The following ACACB variants were observed in gnomAD, a reference collection of about 807,000 sequenced individuals.
ACACB encodes acetyl-CoA carboxylase beta.
In ACACB, 209 loss-of-function variants were observed where a neutral mutation model predicts 278.8. The ratio of observed to expected loss-of-function variants is 0.75; its 90% CI spans 0.67 to 0.84. The LOEUF (loss-of-function observed/expected upper bound fraction) is 0.84. Among genes scored for constraint, ACACB ranks in the 40% least tolerant of loss-of-function variants. The pLI is 0.00. For missense variants in ACACB, 2,850 were observed against 3,269.0 expected (o/e 0.87, Z 3.13); for synonymous variants, 1,174 against 1,285.6 (o/e 0.91, Z 1.86).
intron 19 of ACACB, among the ~76,000 whole-genome samples, chr12:109,204,891 G>A (rs563148500): frequency 6.6e-6 from 1 of 152,188 alleles, no homozygotes; most frequent in East Asian, 1.9e-4. Flanking sequence ...CTGTCACCCA[G>A]GCTGGTGTGC....
upstream of ACACB, among the ~76,000 whole-genome samples, chr12:109,116,005 A>ACGTTG (rs2042396326): frequency 6.6e-6 from 1 of 152,140 alleles, no homozygotes; most frequent in Non-Finnish European, 1.5e-5. Flanking sequence ...AGCCCTCCCC[A>ACGTTG]CGTTGCAGAA....
intron 24 of ACACB, among the ~76,000 whole-genome samples, chr12:109,221,896 G>GGGA (rs1012453711): frequency 7.2e-6 from 1 of 139,772 alleles, no homozygotes; most frequent in African/African-American, 2.7e-5. Context: ...TTTTTTTTTG[G>GGGA]GGGGGAGACA....
In ACACB at chr12:109,120,441, G is replaced by A. The variant is rs1593346702; in HGVS notation, c.-10+3737G>A. Among the ~76,000 whole-genome samples the A allele has an allele frequency of 2.6e-5, 4 of 152,306 alleles. No individual in the cohort carries two copies. In the South Asian group the frequency reaches 8.3e-4, roughly 32 times the overall value. ...AAAACATGGAACCGTTTCATTCCAT[G>A]CCTTCCTCATCTCCTTGCAGGATCC... On this transcript the variant is annotated intron_variant, in intron 1 of 52. Coordinates refer to ENST00000338432, the MANE Select transcript of ACACB (RefSeq NM_001093.4).
At chr12:109,195,003 C>A (rs1203813921) in intron 16 of ACACB, among the ~76,000 whole-genome samples, 1 of 152,140 alleles carries the variant, frequency 6.6e-6, no homozygotes, top group Non-Finnish European at 1.5e-5. Context: ...CGGTTGCTCT[C>A]CTCTGTCAGA....
chr12:109,174,652 C>CAAGTGATCACTTGAAGCCA (rs2044226232), intron 7 of ACACB, among the ~76,000 whole-genome samples: 1 of 151,302 alleles, frequency 6.6e-6, no homozygotes, highest in African/African-American at 2.4e-5. Flanking sequence ...CACTTGAAGC[C>CAAGTGATCACTTGAAGCCA]AGGAGTTCAA....
chr12:109,159,097 CT>C (rs2043639243), intron 2 of ACACB, among the ~76,000 whole-genome samples: 1 of 152,230 alleles, frequency 6.6e-6, no homozygotes, highest in Non-Finnish European at 1.5e-5. Context: ...CCACTCACCC[CT>C]GGCCTAGCCA....
intron 21 of ACACB, among the ~76,000 whole-genome samples, chr12:109,212,384 T>C (rs1315290777): frequency 6.6e-6 from 1 of 152,150 alleles, no homozygotes; most frequent in Non-Finnish European, 1.5e-5. Context: ...TATGATTACA[T>C]TGTAATATAT....
At chr12:109,200,645 A>T (rs1229810374) in intron 18 of ACACB, among the ~76,000 whole-genome samples, 2 of 152,112 alleles carry the variant, frequency 1.3e-5, no homozygotes, top group Non-Finnish European at 2.9e-5. Context: ...TAACCTTCCC[A>T]GCAAATATAT....
At chr12:109,161,035 T>G (rs1273448547) in intron 2 of ACACB, among the ~76,000 whole-genome samples, 1 of 152,146 alleles carries the variant, frequency 6.6e-6, no homozygotes, top group Non-Finnish European at 1.5e-5. Flanking sequence ...GGGAAGGTCG[T>G]GGACAGAATG....
At position 109,265,426 on chromosome 12, in the gene ACACB, G is replaced by A; in HGVS notation, c.7151G>A (p.Trp2384Ter). The A allele has an allele frequency of 6.2e-7, 1 of 1,613,548 alleles. No homozygotes were observed. Among genetic ancestry groups the A allele is most frequent in the Non-Finnish European group, 8.5e-7 (1 of 1,179,880 alleles). ...LWDNNQVVVQ[W>*]LEQHWQAGDG... ...GACAACAACCAGGTGGTTGTGCAGT[G>A]GCTGGAACAGCACTGGCAGGCAGGG... is the stretch of plus-strand genomic sequence containing the variant. The change falls in exon 52 of 53, where the codon TGG becomes TAG. Residue 2384 changes from tryptophan (W) to a stop codon, truncating the protein, a stop_gained. Coordinates refer to ENST00000338432, the MANE Select transcript of ACACB (RefSeq NM_001093.4). LOFTEE classifies it high-confidence loss of function.
intron 17 of ACACB, among the ~76,000 whole-genome samples, chr12:109,197,837 A>T (rs558644538): frequency 6.6e-6 from 1 of 152,262 alleles, no homozygotes; most frequent in East Asian, 1.9e-4. Flanking sequence ...TCTCTTCTCA[A>T]TCCTCAATGT....
intron 22 of ACACB, among the ~76,000 whole-genome samples, chr12:109,215,452 G>A (rs896971853): frequency 2.6e-5 from 4 of 151,898 alleles, no homozygotes; most frequent in African/African-American, 4.8e-5. Flanking sequence ...AGGATTAGAG[G>A]GTGCCTCTAG....
intron 21 of ACACB, among the ~76,000 whole-genome samples, chr12:109,210,451 A>ACATG (rs2045789529): frequency 7.9e-6 from 1 of 126,486 alleles, no homozygotes; most frequent in South Asian, 2.3e-4. Context: ...ACATGTGTAT[A>ACATG]TATGTATATA....
chr12:109,171,854 TAAC>T lies in ACACB; in HGVS notation c.982_984del (p.Asn328del), dbSNP rs1206799995. The T allele has an allele frequency of 3.1e-6, 5 of 1,614,004 alleles. No homozygotes were observed. In the Admixed American group the frequency reaches 8.3e-5, roughly 27 times the overall value. ...ACGTCCCCGTCCCAGGAGGGCCCAA[TAAC>T]AACAACTATGCCAACGTGGAGCTGA... On this transcript the variant is annotated inframe_deletion, in exon 5 of 53. Coordinates refer to ENST00000338432, the MANE Select transcript of ACACB (RefSeq NM_001093.4).
rs770093451 is a variant in ACACB, at chr12:109,222,882, C to T, written c.3762C>T (p.Tyr1254=). 12 of 1,613,174 alleles carry T rather than the reference C, an allele frequency of 7.4e-6. No individual in the cohort carries two copies. Among genetic ancestry groups the T allele is most frequent in the East Asian group, 2.2e-5 (1 of 44,848 alleles). Residue 1254 remains tyrosine, a synonymous_variant, in exon 26 of 53, where the codon TAC becomes TAT. Coordinates refer to ENST00000338432, the MANE Select transcript of ACACB (RefSeq NM_001093.4). Reference sequence around the variant, plus strand: ...TTTTCCTGTCTGCCATTGACATGTACGGCCACCAGTTCTGCCCCGAGAACC... The same window carrying T: ...TTTTCCTGTCTGCCATTGACATGTATGGCCACCAGTTCTGCCCCGAGAACC... ...ESIFLSAIDM[Y]GHQFCPENLK...
chr12:109,225,248 C>A (rs2046282605), intron 27 of ACACB, among the ~76,000 whole-genome samples: 1 of 152,154 alleles, frequency 6.6e-6, no homozygotes. Flanking sequence ...CTGCCTCACC[C>A]TCCCCAGTAG....
intron 21 of ACACB, among the ~76,000 whole-genome samples, chr12:109,210,216 C>T (rs1240805200): frequency 1.8e-5 from 1 of 55,532 alleles, no homozygotes; most frequent in African/African-American, 1.5e-4. Context: ...TGTATATATA[C>T]ACACATGTGT....
intron 24 of ACACB, among the ~76,000 whole-genome samples, chr12:109,221,288 C>T (rs960554932): frequency 6.6e-6 from 1 of 152,186 alleles, no homozygotes; most frequent in African/African-American, 2.4e-5. Flanking sequence ...CACAGCTCTA[C>T]CATCTGGTGA....
At position 109,234,528 on chromosome 12, in the gene ACACB, TA is replaced by T. The variant is rs1178018275; in HGVS notation, c.4347+484del. ...TATATATTTACAGTATACAATGTGA[TA>T]TTTTTTAATTATCTTTTTAATAACA... On this transcript the variant is annotated intron_variant, in intron 31 of 52. Coordinates refer to ENST00000338432, the MANE Select transcript of ACACB (RefSeq NM_001093.4). Among the ~76,000 whole-genome samples, 4 of 152,232 alleles carry T rather than the reference TA, an allele frequency of 2.6e-5. No individual in the cohort carries two copies. The South Asian group carries it at 6.2e-4, about 24-fold the overall frequency.
Sources: allele counts gnomAD v4.1 joint callset (sites outside exome capture counted in the v4.1 genomes callset), GRCh38; gene constraint gnomAD v4.1.1; transcripts MANE v1.5; gene names NCBI Gene and HGNC (gene_info 2026-07-23, HGNC 2026-07-21).